TG: variants seen among roughly 807,000 people sequenced by gnomAD.
TG encodes the protein thyroglobulin.
TG carries 270 observed loss-of-function variants against 324.7 expected under a neutral mutation model. That is an observed-to-expected ratio of 0.83 (90% CI 0.75 to 0.92). The LOEUF (loss-of-function observed/expected upper bound fraction) is 0.92, where lower values mean the gene tolerates loss of function less well. Ranked by LOEUF, TG falls within the 40% of genes least tolerant of loss-of-function variation. The pLI is 0.00. For synonymous variants in TG, 1,401 were observed against 1,327.0 expected, an observed-to-expected ratio of 1.06 and a Z score of -1.21; for missense variants, 3,591 against 3,456.4, an observed-to-expected ratio of 1.04 and a Z score of -0.98.
intron 41 of TG, among the ~76,000 whole-genome samples, chr8:133,045,387 CTTTTTTTTTTTT>C (rs5895172): frequency 1.5e-5 from 1 of 65,868 alleles, no homozygotes; most frequent in Non-Finnish European, 2.6e-5. Context: ...ATCCTCTTTG[CTTTTTTTTTTTT>C]TTTTTTTTTT....
chr8:133,067,929 G>C (rs1226768970), intron 41 of TG, among the ~76,000 whole-genome samples: 1 of 148,674 alleles, frequency 6.7e-6, no homozygotes, highest in Non-Finnish European at 1.5e-5. Flanking sequence ...GAGAGAGAGA[G>C]AGAAAGAAAG....
At chr8:132,969,605 T>G (rs374299497) in intron 32 of TG, 36 bp downstream of exon 32, 1 of 1,343,958 alleles carries the variant, frequency 7.4e-7, no homozygotes, top group African/African-American at 1.5e-5. Flanking sequence ...ATGTTTATTA[T>G]GAATAATACT....
At chr8:132,967,148 T>TACATCCAC (rs1312255972) in intron 30 of TG, among the ~76,000 whole-genome samples, 6 of 142,974 alleles carry the variant, frequency 4.2e-5, no homozygotes, top group African/African-American at 1.6e-4. Context: ...CATCCATCCA[T>TACATCCAC]CCATCCACCC....
chr8:133,044,714 A>G (rs949537883), intron 41 of TG, among the ~76,000 whole-genome samples: 1 of 152,234 alleles, frequency 6.6e-6, no homozygotes, highest in Admixed American at 6.5e-5. Context: ...AGCTGGTTGC[A>G]GTTGTGAATT....
At chr8:133,038,475 G>C (rs1429199086) in intron 41 of TG, 2 of 1,426,942 alleles carry the variant, frequency 1.4e-6, no homozygotes, top group African/African-American at 2.8e-5. Flanking sequence ...CCAGGCAATA[G>C]TTGGAACTTC....
intron 40 of TG, among the ~76,000 whole-genome samples, chr8:133,025,509 G>A (rs1190423832): frequency 1.3e-5 from 2 of 152,160 alleles, no homozygotes; most frequent in East Asian, 1.9e-4. Context: ...TTCTTGCCCT[G>A]CTATTTATAA....
At chr8:132,910,533 C>T (rs899194857) in intron 18 of TG, among the ~76,000 whole-genome samples, 1 of 152,108 alleles carries the variant, frequency 6.6e-6, no homozygotes. Context: ...TATTAGGGAA[C>T]TTTGTGTTAG....
chr8:132,983,234 G>A, intron 34 of TG, 116 bp from the exon 35 acceptor site: 1 of 1,113,272 alleles, frequency 9.0e-7, no homozygotes. Context: ...GGGACAATCT[G>A]TCTGCCTTCC....
intron 10 of TG, among the ~76,000 whole-genome samples, chr8:132,891,792 T>C (rs762858791): frequency 1.1e-4 from 17 of 152,212 alleles, no homozygotes; most frequent in Non-Finnish European, 2.2e-4. Context: ...AATATCCTTT[T>C]GAACAAAAAA....
intron 41 of TG, among the ~76,000 whole-genome samples, chr8:133,088,063 T>C (rs893558996): frequency 6.6e-5 from 10 of 152,154 alleles, no homozygotes; most frequent in Non-Finnish European, 1.2e-4. Flanking sequence ...AGGATGGTAG[T>C]GGGAGTTTAA....
At chr8:133,113,059 C>T (rs1233667648) in intron 43 of TG, among the ~76,000 whole-genome samples, 3 of 152,134 alleles carry the variant, frequency 2.0e-5, no homozygotes, top group Non-Finnish European at 4.4e-5. Flanking sequence ...GCAAGGAGCC[C>T]GGGAAAGCAA....
intron 42 of TG, 147 bp downstream of exon 42, chr8:133,095,355 C>T (rs1175008890): frequency 5.3e-6 from 6 of 1,134,624 alleles, no homozygotes; most frequent in Non-Finnish European, 6.5e-6. Context: ...CATTCCCTAG[C>T]CCCTAGAGCT....
At position 132,919,493 on chromosome 8, in the gene TG, C is replaced by T; in HGVS notation, c.4496C>T (p.Thr1499Ile). The T allele has an allele frequency of 6.2e-7, 1 of 1,614,040 alleles. No individual in the cohort carries two copies. Among genetic ancestry groups the T allele is most frequent in the Non-Finnish European group, 8.5e-7 (1 of 1,179,954 alleles). The change falls in exon 21 of 48, where the codon ACC (threonine) becomes ATC (isoleucine). Residue 1499 changes from threonine (T) to isoleucine (I), a missense_variant. Transcript: ENST00000220616. ...GTCCCATGTCCTGTGGGCAGAACGA[C>T]CATTTCTGCTGGAGCTTTCAGCCAG... ...ACVPCPVGRTTISAGAFSQTH... is the reference protein window; with the variant it reads ...ACVPCPVGRTIISAGAFSQTH...
intron 32 of TG, 112 bp downstream of exon 32, chr8:132,969,681 G>A: frequency 2.5e-6 from 2 of 810,758 alleles, no homozygotes; most frequent in Middle Eastern, 3.2e-4. Flanking sequence ...GGGAGGCCGA[G>A]CTGGGCTGAT....
Position 133,128,337 on chromosome 8 carries a change from G to A in TG, c.7863-3475G>A, listed in dbSNP as rs1163798395. Among the ~76,000 whole-genome samples, 175 of 133,804 alleles carry A rather than the reference G, an allele frequency of 1.3e-3. 3 individuals carry two copies. The highest frequency in any genetic ancestry group is 2.3e-3 in the Admixed American group (30 of 12,912). 87.8% of individuals were successfully genotyped at this position (133,804 alleles called of 152,430 possible). A position where few individuals can be genotyped will look rare whatever the true frequency, so the allele number is the denominator to read the frequency against. ...ATCCTGAAACTGAAACAAAAGGCGT[G>A]CACACACACACACACACACACACAC... is the stretch of plus-strand genomic sequence containing the variant. On this transcript the variant is annotated intron_variant, in intron 45 of 47. Coordinates refer to ENST00000220616, the MANE Select transcript of TG (RefSeq NM_003235.5).
chr8:133,074,000 G>T (rs1192689861), intron 41 of TG, among the ~76,000 whole-genome samples: 1 of 152,026 alleles, frequency 6.6e-6, no homozygotes, highest in East Asian at 1.9e-4. Flanking sequence ...ACACCCCCAT[G>T]CACAGCCCCA....
At chr8:132,967,275 A>G (rs1479519822) in intron 30 of TG, among the ~76,000 whole-genome samples, 2 of 151,944 alleles carry the variant, frequency 1.3e-5, no homozygotes, top group Non-Finnish European at 2.9e-5. Context: ...TTTGGCAGTT[A>G]TTAAGTATGC....
intron 37 of TG, 52 bp from the exon 38 acceptor site, chr8:133,017,726 C>T (rs781474307): frequency 1.3e-6 from 2 of 1,546,998 alleles, no homozygotes; most frequent in Non-Finnish European, 1.8e-6. Flanking sequence ...GGAGAGAGCA[C>T]TCACTGAGGC....
At chr8:133,060,010 A>T in intron 41 of TG, 1 of 1,340,286 alleles carries the variant, frequency 7.5e-7, no homozygotes, top group Non-Finnish European at 1.0e-6. Context: ...TGCCCCATTT[A>T]AGTAGTTACC....
Sources: allele counts gnomAD v4.1 joint callset (sites outside exome capture counted in the v4.1 genomes callset), GRCh38; gene constraint gnomAD v4.1.1; transcripts MANE v1.5; gene names NCBI Gene and HGNC (gene_info 2026-07-23, HGNC 2026-07-21).